Variants in PSEN1 observed in about 807,000 individuals in gnomAD.
PSEN1 encodes the protein presenilin 1.
A neutral mutation model predicts 53.5 loss-of-function variants in PSEN1; 15 were observed. The observed-to-expected ratio is 0.28, with a 90% CI of 0.19 to 0.43. The LOEUF is 0.43. PSEN1 is among the 20% of genes least tolerant of loss of function. PSEN1 has a pLI of 1.00. For missense variants in PSEN1, 387 were observed against 571.2 expected, an observed-to-expected ratio of 0.68 and a Z score of 3.29; for synonymous variants, 208 against 209.8, an observed-to-expected ratio of 0.99 and a Z score of 0.08.
chr14:73,163,564 C>G (rs1431731423), intron 3 of PSEN1, among the ~76,000 whole-genome samples: 27 of 152,306 alleles, frequency 1.8e-4, no homozygotes, highest in Non-Finnish European at 7.3e-5. Context: ...TAAGAATAGT[C>G]AAGTGACAAA....
At chr14:73,186,827 T>G in intron 5 of PSEN1, 26 bp from the exon 6 acceptor site, 1 of 1,570,464 alleles carries the variant, frequency 6.4e-7, no homozygotes, top group South Asian at 1.1e-5. Flanking sequence ...GACCTGTTAA[T>G]TATATTGAAA....
chr14:73,212,060 C>G (rs1240787505), intron 10 of PSEN1, 118 bp downstream of exon 10: 1 of 314,900 alleles, frequency 3.2e-6, no homozygotes, highest in Non-Finnish European at 6.0e-6. Context: ...TCACATGTAA[C>G]TTTTATTTGG....
At chr14:73,191,029 C>T (rs1228351593) in intron 6 of PSEN1, among the ~76,000 whole-genome samples, 1 of 152,184 alleles carries the variant, frequency 6.6e-6, no homozygotes, top group Non-Finnish European at 1.5e-5. Flanking sequence ...TTGCTTTCTC[C>T]TCAGTTACCT....
chr14:73,159,152 T>C (rs1387537187), intron 3 of PSEN1, among the ~76,000 whole-genome samples: 1 of 152,036 alleles, frequency 6.6e-6, no homozygotes, highest in Non-Finnish European at 1.5e-5. Context: ...GCTTTTCTTT[T>C]TATTAACAGT....
At chr14:73,184,853 G>A (rs1304177633) in intron 5 of PSEN1, among the ~76,000 whole-genome samples, 2 of 146,618 alleles carry the variant, frequency 1.4e-5, no homozygotes, top group African/African-American at 5.3e-5. Flanking sequence ...CCCAGACGGG[G>A]CGGCTGCCGG....
chr14:73,161,826 T>C (rs535592152), intron 3 of PSEN1, among the ~76,000 whole-genome samples: 38 of 152,030 alleles, frequency 2.5e-4, no homozygotes, highest in Non-Finnish European at 7.4e-5. Flanking sequence ...CGGAAACTTG[T>C]TGGCATGACC....
intron 5 of PSEN1, among the ~76,000 whole-genome samples, chr14:73,175,618 T>C (rs1898027678): frequency 6.6e-6 from 1 of 152,226 alleles, no homozygotes; most frequent in South Asian, 2.1e-4. Flanking sequence ...ATTTTTTCTA[T>C]TATAAATTCT....
intron 9 of PSEN1, among the ~76,000 whole-genome samples, chr14:73,210,457 G>C (rs748973875): frequency 6.6e-6 from 1 of 152,164 alleles, no homozygotes; most frequent in Non-Finnish European, 1.5e-5. Flanking sequence ...TCTATAGGAG[G>C]TGAATAAGTA....
At position 73,171,010 on chromosome 14, in the gene PSEN1, A is replaced by G. The variant is rs766798700; in HGVS notation, c.301A>G (p.Lys101Glu). The change falls in exon 4 of 12, where the codon AAG (lysine) becomes GAG (glutamate). Residue 101 changes from lysine to glutamate, a missense_variant. Physicochemically the swap from Lys to Glu is moderately conservative, Grantham distance 56. Around this residue, in one of 4 missense-constraint regions of PSEN1, gnomAD observed 169 missense variants for 299.7 expected, o/e 0.56. Coordinates refer to ENST00000324501, the MANE Select transcript of PSEN1 (RefSeq NM_000021.4). ...LCMVVVVATI[K>E]SVSFYTRKDG... Reference sequence around the variant, plus strand: ...CATGGTGGTGGTCGTGGCTACCATTAAGTCAGTCAGCTTTTATACCCGGAA... The same window carrying G: ...CATGGTGGTGGTCGTGGCTACCATTGAGTCAGTCAGCTTTTATACCCGGAA... The G allele has an allele frequency of 1.2e-6, 2 of 1,614,104 alleles. No individual in the cohort carries two copies. Among genetic ancestry groups the G allele is most frequent in the Non-Finnish European group, 1.7e-6 (2 of 1,180,056 alleles).
At chr14:73,188,269 G>A (rs1013389964) in intron 6 of PSEN1, among the ~76,000 whole-genome samples, 63 of 151,944 alleles carry the variant, frequency 4.1e-4, no homozygotes, top group African/African-American at 1.4e-3. Flanking sequence ...TTGCAGAATC[G>A]TTCATTATAA....
At chr14:73,178,081 G>A (rs1898096382) in intron 5 of PSEN1, among the ~76,000 whole-genome samples, 1 of 151,564 alleles carries the variant, frequency 6.6e-6, no homozygotes, top group Admixed American at 6.6e-5. Context: ...ACCATGCCTG[G>A]CTGATTTTGT....
intron 8 of PSEN1, among the ~76,000 whole-genome samples, chr14:73,202,241 A>G (rs1335398165): frequency 6.7e-6 from 1 of 148,942 alleles, no homozygotes; most frequent in Non-Finnish European, 1.5e-5. Flanking sequence ...TAGTTGAGCC[A>G]CAGGTTGGGA....
At chr14:73,192,516 A>G (rs1374119629) in intron 6 of PSEN1, 128 bp from the exon 7 acceptor site, 2 of 724,122 alleles carry the variant, frequency 2.8e-6, no homozygotes, top group Admixed American at 4.2e-5. Context: ...CACAGTTGAT[A>G]TAGGTTATGG....
intron 7 of PSEN1, among the ~76,000 whole-genome samples, chr14:73,194,617 G>A (rs1313855305): frequency 2.1e-5 from 3 of 144,794 alleles, no homozygotes; most frequent in Non-Finnish European, 4.5e-5. Context: ...CGCCCAGACT[G>A]GAGTGCAGTG....
intron 5 of PSEN1, chr14:73,173,962 C>T (rs1032001623): frequency 5.0e-6 from 3 of 605,698 alleles, no homozygotes; most frequent in Non-Finnish European, 8.8e-6. Flanking sequence ...GCAGCTTGGG[C>T]AACGTAGCAA....
At chr14:73,181,965 G>A (rs1566634982) in intron 5 of PSEN1, among the ~76,000 whole-genome samples, 1 of 151,992 alleles carries the variant, frequency 6.6e-6, no homozygotes, top group Non-Finnish European at 1.5e-5. Flanking sequence ...GTAGAGACGG[G>A]GTTTTGGCAT....
chr14:73,182,731 C>G (rs546300429), intron 5 of PSEN1, among the ~76,000 whole-genome samples: 1 of 151,412 alleles, frequency 6.6e-6, no homozygotes, highest in Non-Finnish European at 1.5e-5. Flanking sequence ...CCCAGCTACT[C>G]GGGAGGCTAA....
intron 8 of PSEN1, among the ~76,000 whole-genome samples, chr14:73,200,646 A>G (rs922172501): frequency 1.3e-5 from 2 of 152,206 alleles, no homozygotes; most frequent in Non-Finnish European, 2.9e-5. Context: ...GGTAACTATC[A>G]TCTCTAATCT....
At chr14:73,177,037 GACTT>G (rs1433429384) in intron 5 of PSEN1, among the ~76,000 whole-genome samples, 1 of 152,094 alleles carries the variant, frequency 6.6e-6, no homozygotes, top group Non-Finnish European at 1.5e-5. Context: ...ATTGCCATTT[GACTT>G]ATTTATTGCC....
Sources: allele counts gnomAD v4.1 joint callset (sites outside exome capture counted in the v4.1 genomes callset), GRCh38; gene constraint gnomAD v4.1.1; regional missense constraint gnomAD v4.1.1; transcripts MANE v1.5; gene names NCBI Gene and HGNC (gene_info 2026-07-23, HGNC 2026-07-21).